Variants in TENM3 observed in about 807,000 individuals in gnomAD.
TENM3 encodes teneurin-3.
In TENM3, 63 loss-of-function variants were observed where a neutral mutation model predicts 255.1. That is an observed-to-expected ratio of 0.25 (90% CI 0.20 to 0.30). TENM3 has a LOEUF of 0.30. Ranked by LOEUF, TENM3 falls within the 10% of genes least tolerant of loss-of-function variation. TENM3 has a pLI of 1.00. For synonymous variants in TENM3, 1,306 were observed against 1,322.3 expected (o/e 0.99, Z 0.27); for missense variants, 2,929 against 3,461.1 (o/e 0.85, Z 3.86).
the TENM3 span, among the ~76,000 whole-genome samples, chr4:181,885,196 T>A: frequency 6.6e-6 from 1 of 152,170 alleles, no homozygotes; most frequent in Non-Finnish European, 1.5e-5. Flanking sequence ...ATCATTGAAA[T>A]TTTCTCGCTC....
chr4:181,878,166 A>C, the TENM3 span, among the ~76,000 whole-genome samples: 1 of 152,196 alleles, frequency 6.6e-6, no homozygotes, highest in Non-Finnish European at 1.5e-5. Flanking sequence ...AAAATGACTG[A>C]ACCTAGTTTG....
At chr4:182,523,381 T>C (rs535232704) in intron 3 of TENM3, among the ~76,000 whole-genome samples, 1 of 152,280 alleles carries the variant, frequency 6.6e-6, no homozygotes, top group Admixed American at 6.5e-5. Context: ...CAATTAATTA[T>C]GTCTGCTTTG....
chr4:181,978,649 A>AC, the TENM3 span, among the ~76,000 whole-genome samples: 3 of 151,138 alleles, frequency 2.0e-5, no homozygotes, highest in South Asian at 6.3e-4. Context: ...CCATCTCAAA[A>AC]AAAAAAAAAA....
chr4:182,633,025 G>GC (rs1360222557), intron 5 of TENM3, among the ~76,000 whole-genome samples: 2 of 152,070 alleles, frequency 1.3e-5, no homozygotes, highest in African/African-American at 4.8e-5. Context: ...TGCCTCCTGG[G>GC]CTCAAGTGAT....
At chr4:182,006,396 G>C in the TENM3 span, among the ~76,000 whole-genome samples, 16 of 152,180 alleles carry the variant, frequency 1.1e-4, no homozygotes, top group African/African-American at 3.9e-4. Context: ...TACGGCCTCA[G>C]TTTCAGAGCT....
At chr4:182,664,832 A>G (rs147727097) in intron 6 of TENM3, among the ~76,000 whole-genome samples, 31 of 152,338 alleles carry the variant, frequency 2.0e-4, no homozygotes, top group African/African-American at 6.7e-4. Flanking sequence ...AAATCTATGA[A>G]GGCTGAGAGA....
rs773698031 is a variant in TENM3, at chr4:182,202,299, C to CTTT, written c.-76+57566_-76+57568dup. 2.6e-3 allele frequency among the ~76,000 whole-genome samples: 262 copies of CTTT among 100,582 alleles called. 8 individuals carry two copies. Among genetic ancestry groups the CTTT allele is most frequent in the African/African-American group, 7.4e-3 (177 of 23,926 alleles). The allele number at this position is 100,582 out of a possible 152,430, so 66.0% of individuals were successfully genotyped here. A position where few individuals can be genotyped will look rare whatever the true frequency, so the allele number is the denominator to read the frequency against. ...GCACAACTAAGATGTGTGCACTGCA[C>CTTT]TTTTTTTTTTTTTTTTTTTTTTTGA... On this transcript the variant is annotated intron_variant, in intron 1 of 2. Transcript: ENST00000512480.
the TENM3 span, among the ~76,000 whole-genome samples, chr4:182,047,372 G>C: frequency 6.6e-6 from 1 of 151,906 alleles, no homozygotes; most frequent in East Asian, 1.9e-4. Flanking sequence ...GACCATCCTG[G>C]CCAACATGGT....
the TENM3 span, among the ~76,000 whole-genome samples, chr4:181,537,033 G>T: frequency 6.6e-6 from 1 of 152,146 alleles, no homozygotes; most frequent in South Asian, 2.1e-4. Context: ...CGAGTAAAGA[G>T]AACTTTTTTT....
chr4:182,650,540 A>G (rs1293542803), intron 5 of TENM3, among the ~76,000 whole-genome samples: 2 of 150,040 alleles, frequency 1.3e-5, no homozygotes, highest in South Asian at 2.2e-4. Flanking sequence ...ACCACTGCTC[A>G]GTAATTTCTG....
intron 16 of TENM3, among the ~76,000 whole-genome samples, chr4:182,734,004 A>G (rs1361908300): frequency 6.6e-6 from 1 of 152,210 alleles, no homozygotes; most frequent in Non-Finnish European, 1.5e-5. Flanking sequence ...CGGTAGGCAA[A>G]TATTTCATAA....
the TENM3 span, among the ~76,000 whole-genome samples, chr4:181,976,852 G>A: frequency 1.3e-5 from 2 of 152,278 alleles, no homozygotes; most frequent in Middle Eastern, 3.4e-3. Context: ...TTAAATCAGG[G>A]GAGAAAAGAA....
the TENM3 span, among the ~76,000 whole-genome samples, chr4:181,807,347 C>T: frequency 6.6e-6 from 1 of 152,164 alleles, no homozygotes; most frequent in Non-Finnish European, 1.5e-5. Flanking sequence ...TGTTACCAAT[C>T]CTTCGAACAC....
chr4:181,724,252 G>A, the TENM3 span, among the ~76,000 whole-genome samples: 1 of 152,120 alleles, frequency 6.6e-6, no homozygotes, highest in African/African-American at 2.4e-5. Context: ...GTCAACATAT[G>A]TATTTAAATC....
At chr4:181,476,365 A>G in the TENM3 span, among the ~76,000 whole-genome samples, 1 of 152,098 alleles carries the variant, frequency 6.6e-6, no homozygotes, top group South Asian at 2.1e-4. Flanking sequence ...CTTTTAATAT[A>G]TGATTACTGG....
chr4:182,421,029 G>T (rs1478196941), intron 3 of TENM3, among the ~76,000 whole-genome samples: 5 of 152,146 alleles, frequency 3.3e-5, no homozygotes, highest in Admixed American at 2.0e-4. Flanking sequence ...GATTGAGATG[G>T]TTTCATCACT....
At chr4:181,827,026 C>T in the TENM3 span, among the ~76,000 whole-genome samples, 8 of 152,138 alleles carry the variant, frequency 5.3e-5, no homozygotes, top group Non-Finnish European at 7.4e-5. Context: ...CATTTCCTAG[C>T]TGGGTGACAC....
chr4:182,619,537 G>A (rs1749894199), intron 4 of TENM3, among the ~76,000 whole-genome samples: 1 of 152,062 alleles, frequency 6.6e-6, no homozygotes, highest in African/African-American at 2.4e-5. Context: ...GAAGACATAA[G>A]AGCAACTATT....
chr4:182,547,430 T>C (rs1741555740), intron 3 of TENM3, among the ~76,000 whole-genome samples: 1 of 152,224 alleles, frequency 6.6e-6, no homozygotes. Context: ...TGAGCCTGTA[T>C]ACTTTCACTT....
Sources: gnomAD v4.1 joint callset for allele counts (sites outside exome capture counted in the v4.1 genomes callset) on GRCh38, gnomAD v4.1.1 for gene constraint, MANE v1.5 for transcripts, NCBI Gene and HGNC (gene_info 2026-07-23, HGNC 2026-07-21) for gene names.